Variants in PLXNA1 observed in about 807,000 individuals in gnomAD.
The protein encoded by PLXNA1 is plexin-A1.
A neutral mutation model predicts 191.7 loss-of-function variants in PLXNA1; 77 were observed. The observed-to-expected ratio is 0.40, with a 90% CI of 0.33 to 0.49. The LOEUF (loss-of-function observed/expected upper bound fraction) is 0.49, where lower values mean the gene tolerates loss of function less well. Among genes scored for constraint, PLXNA1 ranks in the 20% least tolerant of loss-of-function variants. PLXNA1 has a pLI of 0.63. For synonymous variants in PLXNA1, 1,137 were observed against 1,156.4 expected (o/e 0.98, Z 0.34); for missense variants, 2,110 against 2,660.2 (o/e 0.79, Z 4.55).
At chr3:126,983,664 G>T (rs1422357602) in intron 1 of PLXNA1, among the ~76,000 whole-genome samples, 1 of 150,696 alleles carries the variant, frequency 6.6e-6, no homozygotes, top group East Asian at 2.0e-4. Context: ...GGGTGGCGGG[G>T]GGCGGGCGCT....
chr3:127,024,607 C>G (rs2079168080), intron 23 of PLXNA1, among the ~76,000 whole-genome samples: 1 of 152,144 alleles, frequency 6.6e-6, no homozygotes, highest in Admixed American at 6.5e-5. Context: ...CCCAGCCCAC[C>G]CTCGTTGTTA....
intron 7 of PLXNA1, among the ~76,000 whole-genome samples, chr3:127,005,620 G>T (rs764460255): frequency 6.6e-6 from 1 of 152,208 alleles, no homozygotes; most frequent in Non-Finnish European, 1.5e-5. Context: ...TGACCCAGAG[G>T]GTGGAAGAGC....
Position 127,029,919 on chromosome 3 carries a change from G to A in PLXNA1, c.4916G>A (p.Arg1639His), listed in dbSNP as rs762651449. ...AGCAGCCCCGACAGCCTGCGCTCGC[G>A]CACGCCCATGATCACGCCCGACCTG... ...TASSPDSLRS[R>H]TPMITPDLES... Residue 1639 changes from arginine (R) to histidine (H), a missense_variant, in exon 28 of 32, where the codon CGC becomes CAC. Physicochemically the swap from Arg to His is conservative, Grantham distance 29. Coordinates refer to ENST00000393409, the MANE Select transcript of PLXNA1 (RefSeq NM_032242.4). 5.0e-6 allele frequency: 8 copies of A among 1,613,080 alleles called. No homozygotes were observed. Among genetic ancestry groups the A allele is most frequent in the Non-Finnish European group, 6.8e-6 (8 of 1,179,804 alleles).
intron 3 of PLXNA1, among the ~76,000 whole-genome samples, chr3:127,001,894 G>C (rs942555645): frequency 2.0e-4 from 31 of 152,364 alleles, no homozygotes; most frequent in Non-Finnish European, 2.9e-4. Context: ...ATCCGCCTGG[G>C]TCTGAGTACC....
chr3:127,029,380 G>A lies in PLXNA1; in HGVS notation c.4774-60G>A, dbSNP rs1559966590. 1.6e-5 allele frequency: 24 copies of A among 1,526,212 alleles called. No individual in the cohort carries two copies. In the South Asian group the frequency reaches 2.4e-4, roughly 15 times the overall value. The allele number at this position is 1,526,212 out of a possible 1,614,324, so 94.5% of individuals were successfully genotyped here. A position where few individuals can be genotyped will look rare whatever the true frequency, so the allele number is the denominator to read the frequency against. ...ACCGGGGTCCCCAGCCGGGGAGTGG[G>A]AGCCTGGTGGTGCAGGGGCACCCTG... On this transcript the variant is annotated intron_variant, in intron 26 of 31. Transcript: ENST00000393409.
intron 2 of PLXNA1, among the ~76,000 whole-genome samples, chr3:126,990,503 C>A (rs914190380): frequency 6.6e-6 from 1 of 152,228 alleles, no homozygotes; most frequent in Non-Finnish European, 1.5e-5. Context: ...AGGGCACGGG[C>A]CTTGCTTAGG....
At chr3:127,002,057 G>A (rs1434505648) in intron 3 of PLXNA1, among the ~76,000 whole-genome samples, 1 of 152,234 alleles carries the variant, frequency 6.6e-6, no homozygotes, top group East Asian at 1.9e-4. Flanking sequence ...TGCACTTGGT[G>A]CGGGTGTGGG....
chr3:127,027,611 C>T (rs1434564981), intron 23 of PLXNA1: 3 of 488,336 alleles, frequency 6.1e-6, no homozygotes, highest in Non-Finnish European at 1.2e-5. Flanking sequence ...CCAGGGGAGA[C>T]TTCTGGGTGA....
chr3:127,016,160 G>GCTGCCTA (rs2079122443), intron 15 of PLXNA1, among the ~76,000 whole-genome samples: 2 of 152,038 alleles, frequency 1.3e-5, no homozygotes, highest in Non-Finnish European at 2.9e-5. Flanking sequence ...GGACGGGCCT[G>GCTGCCTA]CTGCCTACTG....
At position 126,990,558 on chromosome 3, in the gene PLXNA1, C is replaced by T. The variant is rs139982554; in HGVS notation, c.1194+771C>T. ...GGACTCGGCCCAGACCTGGGACCCC[C>T]GAGGCCAGGCCTTCTGGGCTTGCTG... On this transcript the variant is annotated intron_variant, in intron 2 of 31. Transcript: ENST00000393409. 1.2e-4 allele frequency among the ~76,000 whole-genome samples: 18 copies of T among 152,334 alleles called. 1 individual carries two copies. The highest frequency in any genetic ancestry group is 3.4e-4 in the African/African-American group (14 of 41,586).
intron 20 of PLXNA1, 40 bp from the exon 21 acceptor site, chr3:127,020,162 C>T (rs2079145242): frequency 1.2e-6 from 2 of 1,606,236 alleles, no homozygotes; most frequent in South Asian, 2.2e-5. Context: ...GGAGCGGGGC[C>T]ACCAGGGCAT....
At chr3:127,015,128 C>T (rs2079116409) in intron 14 of PLXNA1, 56 bp from the exon 15 acceptor site, 1 of 1,573,250 alleles carries the variant, frequency 6.4e-7, no homozygotes, top group Non-Finnish European at 8.6e-7. Context: ...GGCCTGTCCC[C>T]ATGTGGCCCG....
chr3:127,011,197 C>T (rs1458594872), intron 9 of PLXNA1, among the ~76,000 whole-genome samples: 1 of 152,192 alleles, frequency 6.6e-6, no homozygotes, highest in Non-Finnish European at 1.5e-5. Flanking sequence ...GGCCAGTGGC[C>T]CTAGCTGCAA....
intron 1 of PLXNA1, among the ~76,000 whole-genome samples, chr3:126,986,677 G>C (rs116712946): frequency 6.6e-6 from 1 of 152,166 alleles, no homozygotes; most frequent in African/African-American, 2.4e-5. Context: ...CATTCTGGCC[G>C]GGAGAATGGG....
intron 3 of PLXNA1, among the ~76,000 whole-genome samples, chr3:127,000,771 T>A (rs2079036364): frequency 6.6e-6 from 1 of 152,144 alleles, no homozygotes; most frequent in Non-Finnish European, 1.5e-5. Flanking sequence ...CTGTAGAACA[T>A]GTGTGGGTGC....
chr3:127,010,480 G>A (rs2079089986), intron 9 of PLXNA1, among the ~76,000 whole-genome samples: 1 of 152,154 alleles, frequency 6.6e-6, no homozygotes, highest in South Asian at 2.1e-4. Context: ...GAGATGGGGT[G>A]GGGGTATGGG....
chr3:126,990,469 G>A (rs966183438), intron 2 of PLXNA1, among the ~76,000 whole-genome samples: 2 of 152,218 alleles, frequency 1.3e-5, no homozygotes, highest in African/African-American at 4.8e-5. Context: ...GGAGTGTCTT[G>A]TTCACACTCC....
Position 127,032,368 on chromosome 3 carries a change from C to T in PLXNA1, c.5232-19C>T, listed in dbSNP as rs1253252679. ...GGAGCAGAGGCCTATCTGAGCAGCG[C>T]CTGGACTCTCGCCTGCAGCCTGCCC... is the stretch of plus-strand genomic sequence containing the variant. On this transcript the variant is annotated intron_variant, in intron 29 of 31. Coordinates refer to ENST00000393409, the MANE Select transcript of PLXNA1 (RefSeq NM_032242.4). 10 of 1,612,124 alleles carry T rather than the reference C, an allele frequency of 6.2e-6. No individual in the cohort carries two copies. The highest frequency in any genetic ancestry group is 8.5e-6 in the Non-Finnish European group (10 of 1,178,956).
At position 127,007,896 on chromosome 3, in the gene PLXNA1, C is replaced by T. The variant is rs1367153023; in HGVS notation, c.2095C>T (p.Arg699Cys). The T allele has an allele frequency of 3.1e-6, 5 of 1,609,808 alleles. No homozygotes were observed. Among genetic ancestry groups the T allele is most frequent in the Non-Finnish European group, 4.2e-6 (5 of 1,177,474 alleles). Residue 699 changes from arginine (R) to cysteine (C), a missense_variant, in exon 9 of 32, where the codon CGT (arginine) becomes TGT (cysteine). Arg to Cys is a radical substitution (Grantham distance 180, BLOSUM62 -3). Transcript: ENST00000393409. ...NVADCAFLEG[R>C]VNVSEDCPQI... ...GGCTGACTGCGCCTTCCTGGAGGGC[C>T]GTGTCAACGTGTCTGAGGTAAGGCC... is the stretch of plus-strand genomic sequence containing the variant.
Sources: allele counts gnomAD v4.1 joint callset (sites outside exome capture counted in the v4.1 genomes callset), GRCh38; gene constraint gnomAD v4.1.1; transcripts MANE v1.5; gene names NCBI Gene and HGNC (gene_info 2026-07-23, HGNC 2026-07-21).